IL33: variants seen among roughly 807,000 people sequenced by gnomAD.
The protein encoded by IL33 is interleukin-33.
A neutral mutation model predicts 27.3 loss-of-function variants in IL33; 37 were observed. The observed-to-expected ratio is 1.36, with a 90% CI of 1.04 to 1.78. The LOEUF (loss-of-function observed/expected upper bound fraction) is 1.78. Among genes scored for constraint, IL33 ranks in the 40% most tolerant of loss-of-function variants. The pLI, the probability that IL33 is intolerant of heterozygous loss-of-function variation, is 0.00. For synonymous variants in IL33, 132 were observed against 102.9 expected, an observed-to-expected ratio of 1.28 and a Z score of -1.71; for missense variants, 406 against 311.4, an observed-to-expected ratio of 1.30 and a Z score of -2.29.
chr9:6,250,385 C>A, intron 2 of IL33, 89 bp from the exon 3 acceptor site: 1 of 1,423,440 alleles, frequency 7.0e-7, no homozygotes, highest in Non-Finnish European at 9.6e-7. Context: ...TGAACCTGTA[C>A]TTGCTTTCTT....
At chr9:6,240,165 G>A (rs536697693) in intron 1 of IL33, among the ~76,000 whole-genome samples, 1 of 152,312 alleles carries the variant, frequency 6.6e-6, no homozygotes, top group South Asian at 2.1e-4. Context: ...AGCCAAATAT[G>A]AGTGACCACG....
chr9:6,253,813 A>C (rs1816560770), intron 6 of IL33, among the ~76,000 whole-genome samples: 2 of 152,188 alleles, frequency 1.3e-5, no homozygotes, highest in Non-Finnish European at 2.9e-5. Flanking sequence ...GGCTACACTT[A>C]ATACAGATCC....
intron 2 of IL33, among the ~76,000 whole-genome samples, chr9:6,245,834 G>T (rs1024007546): frequency 2.6e-5 from 4 of 151,816 alleles, no homozygotes. Context: ...AGGCTGAGGC[G>T]GGCGGATCAT....
intron 2 of IL33, among the ~76,000 whole-genome samples, chr9:6,250,219 C>T (rs1171872726): frequency 6.6e-6 from 1 of 152,148 alleles, no homozygotes; most frequent in Non-Finnish European, 1.5e-5. Flanking sequence ...TCCTATGTTT[C>T]AATATAAAAT....
intron 2 of IL33, among the ~76,000 whole-genome samples, chr9:6,245,063 C>A (rs1819751549): frequency 6.6e-6 from 1 of 152,186 alleles, no homozygotes; most frequent in South Asian, 2.1e-4. Flanking sequence ...TTCCCAGGGT[C>A]AGGCTTTCCT....
intron 1 of IL33, among the ~76,000 whole-genome samples, chr9:6,228,979 T>C (rs1166772563): frequency 6.6e-6 from 1 of 152,084 alleles, no homozygotes; most frequent in Non-Finnish European, 1.5e-5. Context: ...GTAAGGTTAG[T>C]AGAAAGGAGA....
chr9:6,235,574 A>C (rs1470772656), intron 1 of IL33, among the ~76,000 whole-genome samples: 1 of 152,244 alleles, frequency 6.6e-6, no homozygotes, highest in East Asian at 1.9e-4. Flanking sequence ...GCCATTAGTG[A>C]AATCTAAACA....
At chr9:6,231,471 C>G (rs933916704) in intron 1 of IL33, among the ~76,000 whole-genome samples, 6 of 152,210 alleles carry the variant, frequency 3.9e-5, no homozygotes, top group African/African-American at 1.4e-4. Flanking sequence ...ATATGTTCCT[C>G]ACGCCCTTTG....
intron 4 of IL33, 87 bp from the exon 5 acceptor site, chr9:6,252,779 A>G (rs1256696203): frequency 6.5e-6 from 10 of 1,529,652 alleles, no homozygotes; most frequent in Non-Finnish European, 8.9e-6. Flanking sequence ...TGCAACTCAA[A>G]TTGCAAAAAT....
intron 2 of IL33, among the ~76,000 whole-genome samples, chr9:6,245,019 T>C (rs1819746940): frequency 6.6e-6 from 1 of 152,118 alleles, no homozygotes. Context: ...TCACAACCCT[T>C]CCCTTCCCCG....
intron 6 of IL33, among the ~76,000 whole-genome samples, chr9:6,253,996 C>G (rs572866413): frequency 9.9e-5 from 15 of 152,282 alleles, no homozygotes; most frequent in Admixed American, 2.6e-4. Flanking sequence ...CACAGAAAAA[C>G]AGATGTATGC....
At chr9:6,242,939 TA>T (rs1819617811) in intron 2 of IL33, among the ~76,000 whole-genome samples, 1 of 152,090 alleles carries the variant, frequency 6.6e-6, no homozygotes, top group Non-Finnish European at 1.5e-5. Flanking sequence ...AGAGGTCACA[TA>T]GGGGGAGAAC....
intron 2 of IL33, among the ~76,000 whole-genome samples, chr9:6,247,198 G>A (rs1275442914): frequency 6.6e-6 from 1 of 152,128 alleles, no homozygotes; most frequent in South Asian, 2.1e-4. Flanking sequence ...TCAAAACCCT[G>A]AGGAAAACCA....
At chr9:6,235,749 G>C (rs1819165003) in intron 1 of IL33, among the ~76,000 whole-genome samples, 1 of 152,018 alleles carries the variant, frequency 6.6e-6, no homozygotes, top group Non-Finnish European at 1.5e-5. Context: ...AAAACTATCA[G>C]ATAGTTTACA....
chr9:6,252,803 G>T (rs1347144906), intron 4 of IL33, 63 bp from the exon 5 acceptor site: 2 of 1,582,314 alleles, frequency 1.3e-6, no homozygotes, highest in African/African-American at 1.4e-5. Flanking sequence ...TTTTGAGGGA[G>T]CATTTTTTAA....
chr9:6,241,817 C>T (rs111612090), intron 2 of IL33, 32 bp downstream of exon 2: 167 of 1,437,336 alleles, frequency 1.2e-4, no homozygotes, highest in South Asian at 3.1e-4. Context: ...GAATGTTTTA[C>T]GCACTATTTT....
chr9:6,253,692 A>G, intron 6 of IL33, 90 bp downstream of exon 6: 1 of 989,938 alleles, frequency 1.0e-6, no homozygotes, highest in Non-Finnish European at 1.5e-6. Context: ...CCCCATAGGA[A>G]AAAAGATAGT....
At chr9:6,231,720 A>G (rs1004012933) in intron 1 of IL33, among the ~76,000 whole-genome samples, 2 of 152,162 alleles carry the variant, frequency 1.3e-5, no homozygotes, top group African/African-American at 2.4e-5. Context: ...TTATTTATTA[A>G]TGTTTTTAGG....
intron 2 of IL33, among the ~76,000 whole-genome samples, chr9:6,246,020 G>A (rs940212195): frequency 3.6e-5 from 4 of 111,584 alleles, no homozygotes; most frequent in South Asian, 6.5e-4. Context: ...CCGAGATCAC[G>A]CCACTGCACT....
Sources: gnomAD v4.1 joint callset for allele counts (sites outside exome capture counted in the v4.1 genomes callset) on GRCh38, gnomAD v4.1.1 for gene constraint, MANE v1.5 for transcripts, NCBI Gene and HGNC (gene_info 2026-07-23, HGNC 2026-07-21) for gene names.